Variants in ARHGAP45 observed in about 807,000 individuals in gnomAD.
ARHGAP45 encodes Rho GTPase activating protein 45.
Under a neutral mutation model 116.1 loss-of-function variants are expected in ARHGAP45, and 56 were observed. That is an observed-to-expected ratio of 0.48 (90% confidence interval 0.39 to 0.60). The LOEUF (loss-of-function observed/expected upper bound fraction) is 0.60, where lower values mean the gene tolerates loss of function less well. Ranked by LOEUF, ARHGAP45 falls within the 20% of genes least tolerant of loss-of-function variation. The pLI, the probability that ARHGAP45 is intolerant of heterozygous loss-of-function variation, is 0.00. For missense variants in ARHGAP45, 1,622 were observed against 1,601.0 expected (o/e 1.01, Z -0.22); for synonymous variants, 866 against 701.7 (o/e 1.23, Z -3.70).
Position 1,083,319 on chromosome 19 carries a change from T to C in ARHGAP45, c.2921T>C (p.Phe974Ser). 1 of 1,564,626 alleles carries C rather than the reference T, an allele frequency of 6.4e-7. No homozygotes were observed. The highest frequency in any genetic ancestry group is 8.7e-7 in the Non-Finnish European group (1 of 1,155,348). The change falls in exon 21 of 23, where the codon TTC becomes TCC. Residue 974 changes from phenylalanine (F) to serine (S), a missense_variant. By Grantham distance (155) the Phe-to-Ser change is radical. Coordinates refer to ENST00000313093, the MANE Select transcript of ARHGAP45 (RefSeq NM_012292.5). The stretch of plus-strand genomic sequence containing the variant: ...CTCATCGTCCACTACGGCCTGGTCT[T>C]CGAGGAGGAGCCGGAGGAGACCCCC... ...ETLIVHYGLV[F>S]EEEPEETPGG...
rs1186230372 is a variant in ARHGAP45 at position 1,071,570 on chromosome 19, CCG to C, written c.422-1572_422-1571del. 1 of 202,096 alleles carries C rather than the reference CCG, an allele frequency of 4.9e-6. No individual in the cohort carries two copies. The highest frequency in any genetic ancestry group is 8.8e-6 in the Non-Finnish European group (1 of 113,126). 12.5% of individuals were successfully genotyped at this position (202,096 alleles called of 1,614,324 possible). A position where few individuals can be genotyped will look rare whatever the true frequency, so the allele number is the denominator to read the frequency against. On this transcript the variant is annotated intron_variant, in intron 2 of 22. Transcript: ENST00000313093. The surrounding 1 kb of genome is among the most constrained non-coding windows in gnomAD (Gnocchi z 4.6). ...GGACAGCCGGGGGTCCGTGCGCCGG[CCG>C]CGCGCGGAGTGCCGGGTGCCCGGCT...
At chr19:1,077,795 G>A (rs1424814130) in intron 10 of ARHGAP45, 62 bp from the exon 11 acceptor site, 1 of 1,549,994 alleles carries the variant, frequency 6.5e-7, no homozygotes, top group Non-Finnish European at 8.7e-7. Context: ...GGAGGAGCTG[G>A]GGAGACTGAG....
chr19:1,077,153 G>T (rs1457599511), intron 10 of ARHGAP45: 10 of 985,260 alleles, frequency 1.0e-5, no homozygotes, highest in Non-Finnish European at 1.2e-5. Context: ...GTGGGCGCCT[G>T]GCTTCCTGCC....
Position 1,079,839 on chromosome 19 carries a change from C to CGGT in ARHGAP45, c.1512+1_1512+3dup, listed in dbSNP as rs1568472048. Reference sequence around the variant, plus strand: ...CGGCAGAGCGACCAAACCATCAAGTCGGTGCGTGGGGTGCTCCGGCCGCCC... The same window carrying CGGT: ...CGGCAGAGCGACCAAACCATCAAGTCGGTGGTGCGTGGGGTGCTCCGGCCGCCC... On this transcript the variant is annotated inframe_insertion and splice_region_variant, in exon 12 of 23. Transcript: ENST00000313093. The CGGT allele has an allele frequency of 6.2e-7, 1 of 1,604,748 alleles. No homozygotes were observed. The highest frequency in any genetic ancestry group is 8.5e-7 in the Non-Finnish European group (1 of 1,173,634).
Position 1,073,271 on chromosome 19 carries a change from A to G in ARHGAP45, c.544A>G (p.Thr182Ala). 6.2e-7 allele frequency: 1 copy of G among 1,613,500 alleles called. No homozygotes were observed. The change falls in exon 3 of 23, where the codon ACC (threonine) becomes GCC (alanine). Residue 182 changes from threonine to alanine, a missense_variant. Thr to Ala is a moderately conservative substitution (Grantham distance 58). This residue lies in a region of ARHGAP45 where 279 missense variants were observed against 311.9 expected (regional missense o/e 0.89). Coordinates refer to ENST00000313093, the MANE Select transcript of ARHGAP45 (RefSeq NM_012292.5). ...CGTGGAGACGCTCACCGCAGCCGGC[A>G]CCCTCATTGCCAAGGTCAAAGGTCA... is the stretch of plus-strand genomic sequence containing the variant. ...NTVETLTAAGTLIAKVKAFHY... is the reference protein window; with the variant it reads ...NTVETLTAAGALIAKVKAFHY...
intron 10 of ARHGAP45, 105 bp downstream of exon 10, chr19:1,074,984 A>G: frequency 2.1e-6 from 2 of 959,556 alleles, no homozygotes; most frequent in East Asian, 3.6e-5. Context: ...AGCTCCGCAC[A>G]CGCCCCGGCC....
In ARHGAP45 at chr19:1,073,951, A is replaced by C. The variant is rs1302017636; in HGVS notation, c.727A>C (p.Met243Leu). The C allele has an allele frequency of 6.3e-7, 1 of 1,575,458 alleles. No homozygotes were observed. The highest frequency in any genetic ancestry group is 1.2e-5 in the South Asian group (1 of 86,512). The change falls in exon 6 of 23, where the codon ATG (methionine) becomes CTG (leucine). Residue 243 changes from methionine (M) to leucine (L), a missense_variant. Met to Leu is a conservative substitution (Grantham distance 15, BLOSUM62 2). Around this residue, in one of 3 missense-constraint regions of ARHGAP45, gnomAD observed 1,334 missense variants for 1,263.8 expected, o/e 1.06. Coordinates refer to ENST00000313093, the MANE Select transcript of ARHGAP45 (RefSeq NM_012292.5). ...AVPPGDSSQS[M>L]ESLYGPGSEG... is the part of the protein sequence containing the mutation. ...CACCTGCGTCTCCGTCCTACAGTCC[A>C]TGGAAAGCCTGTATGGACCGGGCAG... is the stretch of plus-strand genomic sequence containing the variant.
At chr19:1,070,841 AG>A (rs1432041637) in intron 2 of ARHGAP45, among the ~76,000 whole-genome samples, 4 of 152,136 alleles carry the variant, frequency 2.6e-5, no homozygotes, top group Non-Finnish European at 5.9e-5. Flanking sequence ...CCTGGCGGCT[AG>A]GATGTGGGCT....
At position 1,082,935 on chromosome 19, in the gene ARHGAP45, C is replaced by G. The variant is rs1168067303; in HGVS notation, c.2613C>G (p.Ser871=). 6.3e-7 allele frequency: 1 copy of G among 1,584,716 alleles called. No homozygotes were observed. The highest frequency in any genetic ancestry group is 8.6e-7 in the Non-Finnish European group (1 of 1,168,300). ...CAGAGGCCGAGGCCAAGGCGGCGTC[C>G]CGGGGCCGGCAGGACGGCTCGGAGA... ...LKAEAEAKAA[S]RGRQDGSESE... is the part of the protein sequence containing the mutation. The change falls in exon 20 of 23, where the codon TCC becomes TCG. Residue 871 remains serine (S), a synonymous_variant. Transcript: ENST00000313093.
At position 1,086,041 on chromosome 19, in the gene ARHGAP45, T is replaced by TGGGGCTGGGACCACAGGTGG. The variant is rs755613525; in HGVS notation, c.*35_*36insGGGGCTGGGACCACAGGTGG. The TGGGGCTGGGACCACAGGTGG allele has an allele frequency of 1.9e-5, 29 of 1,551,660 alleles. No homozygotes were observed. Among genetic ancestry groups the TGGGGCTGGGACCACAGGTGG allele is most frequent in the Non-Finnish European group, 2.4e-5 (27 of 1,131,676 alleles). ...GGGCTGGGACCACAGGTGGCTTCTCTCTTGCCTGCTCCTGTCCCTCCAGCA... is the reference window on the plus strand; with the variant it reads ...GGGCTGGGACCACAGGTGGCTTCTCTGGGGCTGGGACCACAGGTGGCTTGCCTGCTCCTGTCCCTCCAGCA... On this transcript the variant is annotated 3_prime_UTR_variant, in exon 23 of 23. Transcript: ENST00000313093.
intron 5 of ARHGAP45, 50 bp from the exon 6 acceptor site, chr19:1,073,898 T>G: frequency 1.3e-6 from 2 of 1,530,116 alleles, no homozygotes; most frequent in Non-Finnish European, 1.8e-6. Context: ...GGGTGGGCAC[T>G]GCCCAGGGCC....
At position 1,068,077 on chromosome 19, in the gene ARHGAP45, C is replaced by T. The variant is rs1008510377; in HGVS notation, c.91-337C>T. Among the ~76,000 whole-genome samples, 8 of 151,940 alleles carry T rather than the reference C, an allele frequency of 5.3e-5. No individual in the cohort carries two copies. The highest frequency in any genetic ancestry group is 2.6e-4 in the Admixed American group (4 of 15,256). On this transcript the variant is annotated intron_variant, in intron 1 of 22. Coordinates refer to ENST00000313093, the MANE Select transcript of ARHGAP45 (RefSeq NM_012292.5). The surrounding 1 kb of genome is among the most constrained non-coding windows in gnomAD (Gnocchi z 7.5). Reference sequence around the variant, plus strand: ...GAGTCAGAAGTGTGTTCACTTAAAGCACCTGCGTTGTAGGAGCCTGAGGGG... The same window carrying T: ...GAGTCAGAAGTGTGTTCACTTAAAGTACCTGCGTTGTAGGAGCCTGAGGGG...
intron 21 of ARHGAP45, among the ~76,000 whole-genome samples, chr19:1,083,720 C>T (rs1345503696): frequency 6.6e-6 from 1 of 152,250 alleles, no homozygotes; most frequent in Non-Finnish European, 1.5e-5. Flanking sequence ...TGCACTCCGC[C>T]GCGAGGTCAA....
Position 1,074,691 on chromosome 19 carries a change from G to A in ARHGAP45, c.1071G>A (p.Ala357=), listed in dbSNP as rs761422984. The A allele has an allele frequency of 2.5e-6, 4 of 1,610,672 alleles. No individual in the cohort carries two copies. The Admixed American group carries it at 6.7e-5, about 27-fold the overall frequency. Residue 357 remains alanine, a synonymous_variant, in exon 9 of 23, where the codon GCG becomes GCA. Coordinates refer to ENST00000313093, the MANE Select transcript of ARHGAP45 (RefSeq NM_012292.5). The part of the protein sequence containing the change: ...DLEFGHSMVQ[A]VGTLQTQTFM... ...AGTTCGGCCACAGCATGGTGCAGGCGGTGGGCACCTTGCAGACCCAGACCT... is the reference window on the plus strand; with the variant it reads ...AGTTCGGCCACAGCATGGTGCAGGCAGTGGGCACCTTGCAGACCCAGACCT...
Position 1,081,735 on chromosome 19 carries a change from C to A in ARHGAP45, c.2376C>A (p.Thr792=). 2 of 1,565,912 alleles carry A rather than the reference C, an allele frequency of 1.3e-6. No individual in the cohort carries two copies. Among genetic ancestry groups the A allele is most frequent in the South Asian group, 1.1e-5 (1 of 87,290 alleles). The stretch of plus-strand genomic sequence containing the variant: ...AGATCGAGCGGCGGGCGCTGCGCAC[C>A]AAGGTGAGGCGGGGGAGGAAGCGGC... ...VCEIERRALR[T]KGIYRVNGVK... is the part of the protein sequence containing the mutation. The change falls in exon 18 of 23, where the codon ACC becomes ACA. Residue 792 remains threonine (T), a synonymous_variant. Coordinates refer to ENST00000313093, the MANE Select transcript of ARHGAP45 (RefSeq NM_012292.5).
At chr19:1,077,552 T>G (rs1376062754) in intron 10 of ARHGAP45, 1 of 1,118,108 alleles carries the variant, frequency 8.9e-7, no homozygotes, top group African/African-American at 1.6e-5. Flanking sequence ...CCCGGCTAAT[T>G]GTTTTAAATT....
At chr19:1,079,884 G>C (rs778951754) in intron 12 of ARHGAP45, 44 bp downstream of exon 12, 2 of 1,592,520 alleles carry the variant, frequency 1.3e-6, no homozygotes, top group Middle Eastern at 1.7e-4. Flanking sequence ...TGGTGGACCG[G>C]GCGGCCTCCT....
intron 8 of ARHGAP45, 53 bp downstream of exon 8, chr19:1,074,460 C>G: frequency 6.9e-7 from 1 of 1,455,670 alleles, no homozygotes. Context: ...GTGTGAGTCT[C>G]AGCCCCATTT....
chr19:1,077,721 G>A (rs1307146704), intron 10 of ARHGAP45, 136 bp from the exon 11 acceptor site: 1 of 1,513,318 alleles, frequency 6.6e-7, no homozygotes, highest in Middle Eastern at 1.7e-4. Context: ...TTGTTGTGCA[G>A]GGTCCTCTGC....
Sources: gnomAD v4.1 joint callset for allele counts (sites outside exome capture counted in the v4.1 genomes callset) on GRCh38, gnomAD v4.1.1 for gene constraint, gnomAD v4.1.1 regional missense constraint, Gnocchi (gnomAD v3.1) non-coding constraint, MANE v1.5 for transcripts, NCBI Gene and HGNC (gene_info 2026-07-23, HGNC 2026-07-21) for gene names.